CLSTN2: variants seen among roughly 807,000 people sequenced by gnomAD.
The protein encoded by CLSTN2 is calsyntenin 2.
CLSTN2 carries 48 observed loss-of-function variants against 101.2 expected under a neutral mutation model. That is an observed-to-expected ratio of 0.47 (90% CI 0.38 to 0.60). The LOEUF (loss-of-function observed/expected upper bound fraction) is 0.60, where lower values mean the gene tolerates loss of function less well. Among genes scored for constraint, CLSTN2 ranks in the 20% least tolerant of loss-of-function variants. The pLI, the probability that CLSTN2 is intolerant of heterozygous loss-of-function variation, is 0.00. For synonymous variants in CLSTN2, 481 were observed against 463.6 expected (o/e 1.04, Z -0.48); for missense variants, 1,160 against 1,238.2 (o/e 0.94, Z 0.95).
At chr3:139,945,790 A>G (rs1935205072) in intron 1 of CLSTN2, among the ~76,000 whole-genome samples, 1 of 152,238 alleles carries the variant, frequency 6.6e-6, no homozygotes, top group South Asian at 2.1e-4. Flanking sequence ...ACCATTACAG[A>G]GGTGTTTGAT....
intron 2 of CLSTN2, among the ~76,000 whole-genome samples, chr3:140,348,655 G>A (rs1299180054): frequency 6.6e-6 from 1 of 152,198 alleles, no homozygotes; most frequent in Non-Finnish European, 1.5e-5. Context: ...CCTCAGTAGT[G>A]GGTGGAGGAT....
chr3:140,182,855 T>C (rs2010430152), intron 2 of CLSTN2, among the ~76,000 whole-genome samples: 1 of 152,166 alleles, frequency 6.6e-6, no homozygotes, highest in East Asian at 1.9e-4. Context: ...CCTGTGAAGA[T>C]GGGCATACAC....
At chr3:140,101,207 T>C (rs2008959823) in intron 1 of CLSTN2, among the ~76,000 whole-genome samples, 1 of 152,198 alleles carries the variant, frequency 6.6e-6, no homozygotes, top group Non-Finnish European at 1.5e-5. Flanking sequence ...AGGCACTCAG[T>C]AAATTTGAGT....
intron 1 of CLSTN2, among the ~76,000 whole-genome samples, chr3:140,145,162 G>A (rs2009762524): frequency 6.6e-6 from 1 of 152,192 alleles, no homozygotes; most frequent in Admixed American, 6.5e-5. Flanking sequence ...TGTCACTGTG[G>A]TAAATATTTA....
At chr3:140,099,962 G>A (rs2008937524) in intron 1 of CLSTN2, among the ~76,000 whole-genome samples, 1 of 152,152 alleles carries the variant, frequency 6.6e-6, no homozygotes, top group African/African-American at 2.4e-5. Context: ...TGGGTAATCA[G>A]GTGTTGCAGG....
chr3:140,384,358 C>A (rs2088027133), intron 2 of CLSTN2, among the ~76,000 whole-genome samples: 1 of 152,154 alleles, frequency 6.6e-6, no homozygotes, highest in Non-Finnish European at 1.5e-5. Context: ...CTTAATTATC[C>A]TCCCTGGTCT....
chr3:140,284,988 G>A (rs1364202538), intron 2 of CLSTN2, among the ~76,000 whole-genome samples: 1 of 152,084 alleles, frequency 6.6e-6, no homozygotes, highest in Non-Finnish European at 1.5e-5. Flanking sequence ...TATTGCAAGA[G>A]ATAGGATTGG....
At chr3:140,158,431 C>T (rs2009991378) in intron 1 of CLSTN2, among the ~76,000 whole-genome samples, 1 of 151,988 alleles carries the variant, frequency 6.6e-6, no homozygotes, top group Non-Finnish European at 1.5e-5. Flanking sequence ...AAATGAAGAA[C>T]ACCATCTCAT....
chr3:140,353,908 A>T (rs1201595139), intron 2 of CLSTN2, among the ~76,000 whole-genome samples: 1 of 152,156 alleles, frequency 6.6e-6, no homozygotes, highest in East Asian at 1.9e-4. Context: ...ACAACGCCAA[A>T]ATGCTGAGGT....
chr3:140,057,532 T>C (rs1480389160), intron 1 of CLSTN2, among the ~76,000 whole-genome samples: 1 of 152,206 alleles, frequency 6.6e-6, no homozygotes, highest in Non-Finnish European at 1.5e-5. Context: ...ATTCCAGGGA[T>C]TGATTTTCCT....
intron 1 of CLSTN2, among the ~76,000 whole-genome samples, chr3:140,015,793 G>C (rs1439976893): frequency 6.6e-6 from 1 of 152,264 alleles, no homozygotes; most frequent in Non-Finnish European, 1.5e-5. Flanking sequence ...ATGGCAGACT[G>C]TTCTGGTCAG....
chr3:140,200,472 AAC>A (rs2107841011), intron 2 of CLSTN2, among the ~76,000 whole-genome samples: 1 of 152,290 alleles, frequency 6.6e-6, no homozygotes. Flanking sequence ...TACAAGAAAT[AAC>A]AGTTTATTTC....
chr3:140,563,795 T>C (rs184339004), intron 15 of CLSTN2, among the ~76,000 whole-genome samples, 166 bp from the exon 16 acceptor site: 2 of 152,280 alleles, frequency 1.3e-5, no homozygotes, highest in Non-Finnish European at 2.9e-5. Flanking sequence ...ATTATAGAGG[T>C]GATGAAAGTG....
intron 5 of CLSTN2, among the ~76,000 whole-genome samples, chr3:140,447,686 C>T (rs1299527981): frequency 6.6e-6 from 1 of 152,186 alleles, no homozygotes; most frequent in Non-Finnish European, 1.5e-5. Flanking sequence ...GATCCTTGAA[C>T]AACCATGCTT....
chr3:140,190,247 G>T (rs901048251), intron 2 of CLSTN2, among the ~76,000 whole-genome samples: 2 of 152,048 alleles, frequency 1.3e-5, no homozygotes, highest in South Asian at 4.2e-4. Context: ...TCTATTTCTG[G>T]ATTCTCTTCT....
chr3:140,474,218 G>A (rs1933926057), intron 8 of CLSTN2, among the ~76,000 whole-genome samples: 1 of 152,134 alleles, frequency 6.6e-6, no homozygotes, highest in Admixed American at 6.5e-5. Flanking sequence ...CCTACACCTT[G>A]CTGAGGTGAC....
chr3:140,479,106 C>T (rs1934057445), intron 8 of CLSTN2, among the ~76,000 whole-genome samples: 1 of 152,058 alleles, frequency 6.6e-6, no homozygotes, highest in East Asian at 1.9e-4. Context: ...CCAGGGAAAG[C>T]AATGTCAGGA....
chr3:140,232,113 G>C (rs991198852), intron 2 of CLSTN2, among the ~76,000 whole-genome samples: 8 of 152,178 alleles, frequency 5.3e-5, no homozygotes, highest in Non-Finnish European at 1.0e-4. Flanking sequence ...TATCAATTCT[G>C]TTCTGGAAAC....
intron 1 of CLSTN2, among the ~76,000 whole-genome samples, chr3:140,015,195 C>A (rs2007176819): frequency 6.6e-6 from 1 of 152,208 alleles, no homozygotes; most frequent in African/African-American, 2.4e-5. Flanking sequence ...TCTGCCCTAA[C>A]TTTGCCCTGG....
Sources: gnomAD v4.1 joint callset for allele counts (sites outside exome capture counted in the v4.1 genomes callset) on GRCh38, gnomAD v4.1.1 for gene constraint, MANE v1.5 for transcripts, NCBI Gene and HGNC (gene_info 2026-07-23, HGNC 2026-07-21) for gene names.